The following MKLN1 variants were observed in gnomAD, a reference collection of about 807,000 sequenced individuals.
MKLN1 encodes muskelin.
Under a neutral mutation model 99.0 loss-of-function variants are expected in MKLN1, and 18 were observed. That is an observed-to-expected ratio of 0.18 (90% CI 0.13 to 0.27). MKLN1 has a LOEUF of 0.27. Among genes scored for constraint, MKLN1 ranks in the 10% least tolerant of loss-of-function variants. MKLN1 has a pLI of 1.00. For missense variants in MKLN1, 621 were observed against 875.9 expected, an observed-to-expected ratio of 0.71 and a Z score of 3.67; for synonymous variants, 288 against 293.2, an observed-to-expected ratio of 0.98 and a Z score of 0.18.
intron 4 of MKLN1, among the ~76,000 whole-genome samples, chr7:131,389,385 T>C (rs1252168540): frequency 1.3e-5 from 2 of 152,148 alleles, no homozygotes; most frequent in Non-Finnish European, 2.9e-5. Flanking sequence ...AATAATATTC[T>C]AAAACCAAAT....
intron 3 of MKLN1, among the ~76,000 whole-genome samples, chr7:131,306,756 A>C (rs1484404693): frequency 6.6e-6 from 1 of 152,238 alleles, no homozygotes; most frequent in Non-Finnish European, 1.5e-5. Context: ...CAGAGCATAA[A>C]AGTTTGGAAA....
chr7:131,267,303 G>C (rs1797822699), intron 3 of MKLN1, among the ~76,000 whole-genome samples: 1 of 152,110 alleles, frequency 6.6e-6, no homozygotes, highest in South Asian at 2.1e-4. Context: ...CTGCACTCTA[G>C]CCTGGGCAAC....
At position 131,495,721 on chromosome 7, in the gene MKLN1, A is replaced by G. The variant is rs1057250480; in HGVS notation, c.*7993A>G. 1.3e-5 allele frequency: 2 copies of G among 152,148 alleles called. No individual in the cohort carries two copies. The highest frequency in any genetic ancestry group is 6.5e-5 in the Admixed American group (1 of 15,274). The allele number at this position is 152,148 out of a possible 1,614,324, so 9.4% of individuals were successfully genotyped here. ...AGCATTGCCGTTTTCTAGACAGACA[A>G]TCCGAAAATAATTGTGTTGATAGGT... On this transcript the variant is annotated 3_prime_UTR_variant, in exon 18 of 18. Transcript: ENST00000352689.
chr7:131,469,441 G>A (rs570019659), intron 15 of MKLN1, among the ~76,000 whole-genome samples: 7 of 152,162 alleles, frequency 4.6e-5, no homozygotes, highest in African/African-American at 7.2e-5. Context: ...TAATCAAAGC[G>A]TGGGTGCCAA....
chr7:131,357,244 C>T (rs1237295602), intron 1 of MKLN1, among the ~76,000 whole-genome samples: 1 of 152,118 alleles, frequency 6.6e-6, no homozygotes. Flanking sequence ...ACAGTTTTCT[C>T]GAACTTCCTT....
intron 3 of MKLN1, among the ~76,000 whole-genome samples, chr7:131,318,961 C>T (rs962183126): frequency 6.6e-6 from 1 of 152,116 alleles, no homozygotes; most frequent in Non-Finnish European, 1.5e-5. Context: ...TAATAGCCTA[C>T]CAACCAAAAA....
chr7:131,279,784 G>C (rs1214520210), intron 3 of MKLN1, among the ~76,000 whole-genome samples: 1 of 152,144 alleles, frequency 6.6e-6, no homozygotes, highest in Admixed American at 6.6e-5. Flanking sequence ...TCCAGCCTAG[G>C]TGACAGAGCA....
intron 17 of MKLN1, among the ~76,000 whole-genome samples, chr7:131,479,875 TC>T (rs1797071001): frequency 7.6e-6 from 1 of 130,974 alleles, no homozygotes; most frequent in African/African-American, 2.9e-5. Flanking sequence ...AATAAATAAA[TC>T]AGCCGGGCAC....
At chr7:131,210,264 C>A (rs1796880876) in intron 3 of MKLN1, among the ~76,000 whole-genome samples, 1 of 152,092 alleles carries the variant, frequency 6.6e-6, no homozygotes, top group Non-Finnish European at 1.5e-5. Flanking sequence ...GGCATGGTGG[C>A]TCATGCCTAT....
intron 1 of MKLN1, among the ~76,000 whole-genome samples, chr7:131,357,493 A>G (rs776047065): frequency 1.1e-4 from 16 of 152,212 alleles, no homozygotes; most frequent in Non-Finnish European, 2.2e-4. Context: ...AGAGTGGAGT[A>G]TTACATAATT....
At chr7:131,358,154 C>T (rs557207160) in intron 1 of MKLN1, among the ~76,000 whole-genome samples, 3 of 152,156 alleles carry the variant, frequency 2.0e-5, no homozygotes, top group African/African-American at 7.2e-5. Context: ...TAGTTTCTCA[C>T]CATTAAATAT....
intron 1 of MKLN1, among the ~76,000 whole-genome samples, chr7:131,358,172 G>T (rs990957002): frequency 2.0e-5 from 3 of 152,130 alleles, no homozygotes; most frequent in African/African-American, 7.2e-5. Flanking sequence ...TATGATGTTA[G>T]TTGTAGGTGT....
chr7:131,275,949 G>C (rs1584884552), intron 3 of MKLN1, among the ~76,000 whole-genome samples: 1 of 152,282 alleles, frequency 6.6e-6, no homozygotes, highest in East Asian at 1.9e-4. Context: ...GGTTGGGTCA[G>C]AAAGAAGACC....
At chr7:131,303,064 A>T (rs1258712766) in intron 3 of MKLN1, among the ~76,000 whole-genome samples, 1 of 152,146 alleles carries the variant, frequency 6.6e-6, no homozygotes, top group Non-Finnish European at 1.5e-5. Context: ...TCCTTCATAC[A>T]TGTTTCAAGG....
At chr7:131,233,643 G>A (rs1418093529) in intron 3 of MKLN1, among the ~76,000 whole-genome samples, 3 of 150,830 alleles carry the variant, frequency 2.0e-5, no homozygotes, top group Admixed American at 1.3e-4. Context: ...AAATATATGA[G>A]GTATAAAATG....
At position 131,494,606 on chromosome 7, in the gene MKLN1, A is replaced by G. The variant is rs755777383; in HGVS notation, c.*6878A>G. ...TGGGATTTTTTTTCCTTTCCCAGAA[A>G]AAAAAATTATTTTGGTGACTGATCA... On this transcript the variant is annotated 3_prime_UTR_variant, in exon 18 of 18. Coordinates refer to ENST00000352689, the MANE Select transcript of MKLN1 (RefSeq NM_013255.5). 6.6e-6 allele frequency: 1 copy of G among 152,178 alleles called. No individual in the cohort carries two copies. The highest frequency in any genetic ancestry group is 1.9e-4 in the East Asian group (1 of 5,200). 9.4% of individuals were successfully genotyped at this position (152,178 alleles called of 1,614,324 possible). A position where few individuals can be genotyped will look rare whatever the true frequency, so the allele number is the denominator to read the frequency against.
chr7:131,334,508 G>A (rs528108881), intron 1 of MKLN1, among the ~76,000 whole-genome samples: 1 of 152,326 alleles, frequency 6.6e-6, no homozygotes, highest in South Asian at 2.1e-4. Context: ...CTTTTGGCAA[G>A]TTATGATTCT....
At chr7:131,247,159 G>T (rs1373089531) in intron 3 of MKLN1, among the ~76,000 whole-genome samples, 1 of 151,914 alleles carries the variant, frequency 6.6e-6, no homozygotes, top group East Asian at 1.9e-4. Flanking sequence ...ACTTCTCATT[G>T]TGTTAAGATA....
At position 131,489,279 on chromosome 7, in the gene MKLN1, A is replaced by G. The variant is rs1015259078; in HGVS notation, c.*1551A>G. On this transcript the variant is annotated 3_prime_UTR_variant, in exon 18 of 18. Transcript: ENST00000352689. ...ATATTTTTGCTAGTTCTAGGCTTGAATCATGGGCTCCTTGGCTTTCCTAGC... is the reference window on the plus strand; with the variant it reads ...ATATTTTTGCTAGTTCTAGGCTTGAGTCATGGGCTCCTTGGCTTTCCTAGC... 6.6e-6 allele frequency: 1 copy of G among 152,138 alleles called. No homozygotes were observed. The highest frequency in any genetic ancestry group is 2.4e-5 in the African/African-American group (1 of 41,446). The allele number at this position is 152,138 out of a possible 1,614,324, so 9.4% of individuals were successfully genotyped here.
Sources: allele counts gnomAD v4.1 joint callset (sites outside exome capture counted in the v4.1 genomes callset), GRCh38; gene constraint gnomAD v4.1.1; transcripts MANE v1.5; gene names NCBI Gene and HGNC (gene_info 2026-07-23, HGNC 2026-07-21).